Variants in NBAS observed in about 807,000 individuals in gnomAD.
NBAS encodes NBAS subunit of NRZ tethering complex.
A neutral mutation model predicts 302.5 loss-of-function variants in NBAS; 219 were observed. The ratio of observed to expected loss-of-function variants is 0.72; its 90% CI spans 0.65 to 0.81. NBAS has a LOEUF of 0.81. Ranked by LOEUF, NBAS falls within the 30% of genes least tolerant of loss-of-function variation. The pLI, the probability that NBAS is intolerant of heterozygous loss-of-function variation, is 0.00. For synonymous variants in NBAS, 1,118 were observed against 1,021.6 expected (o/e 1.09, Z -1.80); for missense variants, 2,932 against 2,841.6 (o/e 1.03, Z -0.72).
chr2:14,906,622 C>T, the NBAS span, among the ~76,000 whole-genome samples: 10 of 152,100 alleles, frequency 6.6e-5, 1 homozygote, highest in African/African-American at 2.4e-5. Context: ...AGGGATAACT[C>T]GACAGGGGCA....
the NBAS span, among the ~76,000 whole-genome samples, chr2:14,835,602 C>A: frequency 6.6e-6 from 1 of 151,916 alleles, no homozygotes; most frequent in East Asian, 1.9e-4. Context: ...TGGAATGATA[C>A]GGGGCACATT....
At chr2:15,312,765 TA>T (rs1271711510) in intron 38 of NBAS, among the ~76,000 whole-genome samples, 1 of 152,204 alleles carries the variant, frequency 6.6e-6, no homozygotes, top group African/African-American at 2.4e-5. Flanking sequence ...CCCAATAAAC[TA>T]AACTTAACAC....
intron 29 of NBAS, among the ~76,000 whole-genome samples, chr2:15,380,377 G>C (rs1386806452): frequency 6.6e-6 from 1 of 152,088 alleles, no homozygotes; most frequent in Non-Finnish European, 1.5e-5. Context: ...ACTGCATGCA[G>C]CCCCATTTTA....
At chr2:14,807,865 C>T in the NBAS span, among the ~76,000 whole-genome samples, 1 of 152,126 alleles carries the variant, frequency 6.6e-6, no homozygotes, top group Admixed American at 6.5e-5. Flanking sequence ...GCATTGGGCA[C>T]ACAGTAGATG....
chr2:15,294,556 C>T (rs1670460460), intron 40 of NBAS, among the ~76,000 whole-genome samples: 1 of 152,166 alleles, frequency 6.6e-6, no homozygotes, highest in South Asian at 2.1e-4. Flanking sequence ...TCCTGAACCT[C>T]CAGCACGTGC....
At chr2:14,880,128 T>A in the NBAS span, among the ~76,000 whole-genome samples, 9 of 152,072 alleles carry the variant, frequency 5.9e-5, no homozygotes, top group Non-Finnish European at 1.3e-4. Flanking sequence ...CATCTACCCC[T>A]CAAAAGAAAG....
chr2:15,381,591 GA>G (rs544840420), intron 29 of NBAS, among the ~76,000 whole-genome samples: 1 of 152,162 alleles, frequency 6.6e-6, no homozygotes, highest in Admixed American at 6.5e-5. Context: ...ATCAGAATCA[GA>G]AACAGGAATG....
chr2:15,138,273 G>C, the NBAS span, among the ~76,000 whole-genome samples: 1 of 152,164 alleles, frequency 6.6e-6, no homozygotes, highest in Non-Finnish European at 1.5e-5. Context: ...GCTAGAATTG[G>C]AGAGAGGTTT....
the NBAS span, among the ~76,000 whole-genome samples, chr2:14,971,705 A>G: frequency 1.3e-5 from 2 of 152,174 alleles, no homozygotes; most frequent in African/African-American, 4.8e-5. Flanking sequence ...CAGCAATGCC[A>G]CACTGAGATG....
intron 9 of NBAS, among the ~76,000 whole-genome samples, chr2:15,522,318 T>C (rs1008614807): frequency 2.0e-5 from 3 of 152,144 alleles, no homozygotes; most frequent in African/African-American, 4.8e-5. Context: ...CAATAAGGCT[T>C]GAAGATCATG....
At chr2:15,347,255 T>C (rs1673136376) in intron 35 of NBAS, among the ~76,000 whole-genome samples, 1 of 152,196 alleles carries the variant, frequency 6.6e-6, no homozygotes, top group South Asian at 2.1e-4. Flanking sequence ...AGTTTGGCAG[T>C]TTCTTCAGAT....
chr2:15,121,902 A>G, the NBAS span, among the ~76,000 whole-genome samples: 4 of 152,282 alleles, frequency 2.6e-5, no homozygotes, highest in Middle Eastern at 6.8e-3. Flanking sequence ...ATTATGTTTT[A>G]CTTATCGTAT....
At chr2:15,454,371 C>A (rs962174196) in intron 21 of NBAS, among the ~76,000 whole-genome samples, 1 of 151,684 alleles carries the variant, frequency 6.6e-6, no homozygotes, top group African/African-American at 2.4e-5. Context: ...GTATCCTGGA[C>A]TGTATCCTCA....
the NBAS span, among the ~76,000 whole-genome samples, chr2:15,098,704 A>T: frequency 7.2e-6 from 1 of 138,406 alleles, no homozygotes; most frequent in Admixed American, 8.1e-5. Flanking sequence ...ATAATATATT[A>T]TATACATTAT....
At chr2:15,403,685 TC>T (rs374654007) in intron 25 of NBAS, among the ~76,000 whole-genome samples, 1 of 151,168 alleles carries the variant, frequency 6.6e-6, no homozygotes, top group Admixed American at 6.6e-5. Context: ...ACTAAAGCAA[TC>T]CCCCCCAGAT....
chr2:15,332,120 C>A (rs569796720), intron 35 of NBAS, among the ~76,000 whole-genome samples: 1 of 152,290 alleles, frequency 6.6e-6, no homozygotes, highest in African/African-American at 2.4e-5. Flanking sequence ...CATCAGGCGA[C>A]ATCCAGCAAG....
At chr2:15,177,961 AT>A in intron 51 of NBAS, 1 of 322,972 alleles carries the variant, frequency 3.1e-6, no homozygotes, top group South Asian at 2.8e-5. Context: ...TGATTTTCTC[AT>A]TTTATTCATA....
chr2:15,345,631 T>C (rs890916849), intron 35 of NBAS, among the ~76,000 whole-genome samples: 5 of 152,164 alleles, frequency 3.3e-5, no homozygotes, highest in Non-Finnish European at 7.3e-5. Flanking sequence ...CCACTGACAT[T>C]CTTCACAGAA....
At chr2:14,963,617 G>A in the NBAS span, among the ~76,000 whole-genome samples, 3 of 152,318 alleles carry the variant, frequency 2.0e-5, no homozygotes, top group South Asian at 6.2e-4. Flanking sequence ...CACACGACCA[G>A]CACCCAATTA....
Sources: gnomAD v4.1 joint callset for allele counts (sites outside exome capture counted in the v4.1 genomes callset) on GRCh38, gnomAD v4.1.1 for gene constraint, MANE v1.5 for transcripts, NCBI Gene and HGNC (gene_info 2026-07-23, HGNC 2026-07-21) for gene names.